BRF1: variants seen among roughly 807,000 people sequenced by gnomAD.
BRF1 encodes BRF1 general transcription factor IIIB subunit, also known as transcription factor IIIB 90 kDa subunit.
Under a neutral mutation model 81.7 loss-of-function variants are expected in BRF1, and 59 were observed. That is an observed-to-expected ratio of 0.72 (90% confidence interval 0.59 to 0.90). BRF1 has a LOEUF of 0.90. Among genes scored for constraint, BRF1 ranks in the 40% least tolerant of loss-of-function variants. BRF1 has a pLI of 0.00. For missense variants in BRF1, 1,050 were observed against 936.3 expected (o/e 1.12, Z -1.58); for synonymous variants, 491 against 395.6 (o/e 1.24, Z -2.86).
intron 10 of BRF1, among the ~76,000 whole-genome samples, chr14:105,223,530 G>A (rs1251359608): frequency 1.3e-5 from 2 of 152,196 alleles, no homozygotes; most frequent in South Asian, 2.1e-4. Context: ...TAATTACACT[G>A]TGAAAAAAGC....
chr14:105,283,248 G>C (rs1435615807), intron 2 of BRF1, among the ~76,000 whole-genome samples: 1 of 152,168 alleles, frequency 6.6e-6, no homozygotes, highest in African/African-American at 2.4e-5. Flanking sequence ...CTGGACCAAT[G>C]GCCTCCCTCA....
intron 10 of BRF1, among the ~76,000 whole-genome samples, chr14:105,223,830 T>A (rs1892678100): frequency 1.3e-5 from 2 of 152,200 alleles, no homozygotes; most frequent in African/African-American, 4.8e-5. Context: ...AATCACCCAA[T>A]GGTAAATTTA....
intron 5 of BRF1, chr14:105,247,030 G>A (rs2055169268): frequency 2.0e-6 from 2 of 985,280 alleles, no homozygotes; most frequent in Non-Finnish European, 2.4e-6. Flanking sequence ...TCTCCACTCT[G>A]GCCATTTGTA....
At chr14:105,267,007 C>T (rs2056445373) in intron 3 of BRF1, among the ~76,000 whole-genome samples, 1 of 152,052 alleles carries the variant, frequency 6.6e-6, no homozygotes, top group Admixed American at 6.6e-5. Context: ...TGCGCCACTG[C>T]ACTCCAGCCT....
intron 10 of BRF1, 185 bp from the exon 11 acceptor site, chr14:105,222,099 A>C: frequency 4.7e-6 from 3 of 642,758 alleles, no homozygotes; most frequent in Non-Finnish European, 7.4e-6. Context: ...AAGTTAGCTC[A>C]AAGCAGATCA....
At chr14:105,257,293 C>T (rs1444573473) in intron 3 of BRF1, among the ~76,000 whole-genome samples, 2 of 152,210 alleles carry the variant, frequency 1.3e-5, no homozygotes, top group Non-Finnish European at 2.9e-5. Flanking sequence ...ACTAAGGACA[C>T]CTCCTGGAGC....
intron 3 of BRF1, among the ~76,000 whole-genome samples, chr14:105,264,842 T>TA (rs912952566): frequency 7.4e-5 from 11 of 148,824 alleles, no homozygotes; most frequent in East Asian, 5.9e-4. Context: ...TTCCATCTCT[T>TA]AAAAAAAAAA....
intron 15 of BRF1, among the ~76,000 whole-genome samples, chr14:105,214,353 A>G (rs1277458037): frequency 6.6e-6 from 1 of 152,216 alleles, no homozygotes; most frequent in African/African-American, 2.4e-5. Context: ...AAGCAGCCCG[A>G]GTGACCACAG....
At chr14:105,313,573 C>T (rs966939420) in intron 1 of BRF1, among the ~76,000 whole-genome samples, 2 of 152,242 alleles carry the variant, frequency 1.3e-5, no homozygotes, top group Non-Finnish European at 2.9e-5. Flanking sequence ...GCTCTCTCAA[C>T]GGAGGAAGCA....
chr14:105,227,719 G>A (rs910650831), intron 7 of BRF1: 3 of 152,288 alleles, frequency 2.0e-5, no homozygotes, highest in Non-Finnish European at 4.4e-5. Flanking sequence ...GCAGGCCTGT[G>A]AGCCATGGGG....
intron 3 of BRF1, among the ~76,000 whole-genome samples, chr14:105,259,207 G>T (rs1015487645): frequency 7.9e-5 from 12 of 152,290 alleles, no homozygotes; most frequent in African/African-American, 2.9e-4. Flanking sequence ...ACTTTAGGAG[G>T]CTGAGGCCAG....
chr14:105,293,994 G>A (rs587719605), intron 1 of BRF1, among the ~76,000 whole-genome samples: 5 of 152,348 alleles, frequency 3.3e-5, no homozygotes, highest in Admixed American at 1.3e-4. Flanking sequence ...TGGAGGAAGG[G>A]GCGGCTGGGG....
chr14:105,297,400 C>T (rs2057791248), intron 1 of BRF1, among the ~76,000 whole-genome samples: 1 of 151,494 alleles, frequency 6.6e-6, no homozygotes, highest in Non-Finnish European at 1.5e-5. Context: ...AACCCCGTCT[C>T]TACTAAAAAA....
Position 105,269,929 on chromosome 14 carries a change from C to T in BRF1, c.439+2792G>A, listed in dbSNP as rs1365275528. Among the ~76,000 whole-genome samples the T allele has an allele frequency of 1.3e-5, 2 of 152,166 alleles. No homozygotes were observed. Among genetic ancestry groups the T allele is most frequent in the Non-Finnish European group, 2.9e-5 (2 of 68,032 alleles). ...TGGGCTGACCCTGGGCTCTGCTCAG[C>T]TTCTCGCTCAGGACCTTGGTCTGCT... On this transcript the variant is annotated intron_variant, in intron 3 of 17. Coordinates refer to ENST00000547530, the MANE Select transcript of BRF1 (RefSeq NM_001519.4). This position sits in a 1 kb window ranked among gnomAD's most constrained non-coding sequence, Gnocchi z 5.0.
intron 1 of BRF1, among the ~76,000 whole-genome samples, chr14:105,297,448 C>G (rs1410201921): frequency 6.6e-6 from 1 of 151,588 alleles, no homozygotes; most frequent in Non-Finnish European, 1.5e-5. Flanking sequence ...CGTGTGCCTG[C>G]AGTCCCAGCT....
intron 5 of BRF1, chr14:105,247,803 T>C: frequency 2.0e-6 from 2 of 985,580 alleles, no homozygotes; most frequent in Non-Finnish European, 2.4e-6. Flanking sequence ...GAGCTTGGCA[T>C]GCACCAGCTG....
chr14:105,248,537 C>T (rs1442015440), intron 5 of BRF1: 56 of 914,790 alleles, frequency 6.1e-5, no homozygotes, highest in Non-Finnish European at 6.7e-5. Flanking sequence ...CCTGACGCAG[C>T]GTGACGCACC....
At chr14:105,246,157 G>A (rs143173019) in intron 5 of BRF1, among the ~76,000 whole-genome samples, 7 of 151,852 alleles carry the variant, frequency 4.6e-5, no homozygotes, top group East Asian at 1.9e-4. Context: ...CCTGGAAGGC[G>A]GATGTTGCAG....
chr14:105,305,873 C>T (rs2058172407), upstream of BRF1, among the ~76,000 whole-genome samples: 1 of 152,258 alleles, frequency 6.6e-6, no homozygotes, highest in African/African-American at 2.4e-5. Context: ...CTGTACTCCT[C>T]ATTCAGCCCT....
Sources: gnomAD v4.1 joint callset for allele counts (sites outside exome capture counted in the v4.1 genomes callset) on GRCh38, gnomAD v4.1.1 for gene constraint, Gnocchi (gnomAD v3.1) non-coding constraint, MANE v1.5 for transcripts, NCBI Gene and HGNC (gene_info 2026-07-23, HGNC 2026-07-21) for gene names.